KRT23: variants seen among roughly 807,000 people sequenced by gnomAD.
The protein encoded by KRT23 is keratin 23, also known as keratin, type I cytoskeletal 23.
A neutral mutation model predicts 47.6 loss-of-function variants in KRT23; 38 were observed. The observed-to-expected ratio is 0.80, with a 90% confidence interval of 0.62 to 1.05. The LOEUF is 1.05. Among genes scored for constraint, KRT23 ranks in the 50% least tolerant of loss-of-function variants. The probability of loss-of-function intolerance (pLI) is 0.00; values close to 1 mark genes in which losing one functional copy is unlikely to be tolerated. For missense variants in KRT23, 503 were observed against 529.5 expected, an observed-to-expected ratio of 0.95 and a Z score of 0.49; for synonymous variants, 191 against 199.0, an observed-to-expected ratio of 0.96 and a Z score of 0.34.
chr17:40,936,213 C>T lies in KRT23; in HGVS notation c.391G>A (p.Glu131Lys), dbSNP rs897151182. ...AGGGTCACCCAGCATCTTACCTGCT[C>T]CTGCAGGTGTGTGATGTTTTCCTCA... is the stretch of plus-strand genomic sequence containing the variant. ...QYEENITHLQ[E>K]QIVDGKMTNA... The change falls in exon 2 of 9, where the codon GAG becomes AAG. Residue 131 changes from glutamate to lysine, a missense_variant. Glu to Lys is a moderately conservative substitution (Grantham distance 56). Coordinates refer to ENST00000209718, the MANE Select transcript of KRT23 (RefSeq NM_015515.5). The T allele has an allele frequency of 1.4e-5, 22 of 1,613,994 alleles. No individual in the cohort carries two copies. The highest frequency in any genetic ancestry group is 5.0e-5 in the Admixed American group (3 of 60,008).
chr17:40,936,415 T>C lies in KRT23; in HGVS notation c.189A>G (p.Arg63=). 1 of 1,613,930 alleles carries C rather than the reference T, an allele frequency of 6.2e-7. No homozygotes were observed. The highest frequency in any genetic ancestry group is 1.1e-5 in the South Asian group (1 of 91,078). The change falls in exon 2 of 9, where the codon AGA becomes AGG. Residue 63 remains arginine (R), a synonymous_variant. Transcript: ENST00000209718. ...CATTTCCGCCTAGTAGGGGGCTGCT[T>C]CTTCCAGAACCCCAAGACCCTCCAG... ...PPPGGSWGSG[R]SSPLLGGNGK...
At position 40,928,570 on chromosome 17, in the gene KRT23, A is replaced by C. The variant is rs1174286673; in HGVS notation, c.674T>G (p.Val225Gly). ...GGGACCTGTATCCACCTTCACATTG[A>C]CATTGAAGTCACTTGGCACATGATG... is the stretch of plus-strand genomic sequence containing the variant. ...EKHHVPSDFN[V>G]NVKVDTGPRE... is the part of the protein sequence containing the mutation. The change falls in exon 5 of 9, where the codon GTC becomes GGC. Residue 225 changes from valine (V) to glycine (G), a missense_variant. Physicochemically the swap from Val to Gly is moderately radical, Grantham distance 109. Coordinates refer to ENST00000209718, the MANE Select transcript of KRT23 (RefSeq NM_015515.5). 6.2e-7 allele frequency: 1 copy of C among 1,613,822 alleles called. No individual in the cohort carries two copies. Among genetic ancestry groups the C allele is most frequent in the Admixed American group, 1.7e-5 (1 of 60,014 alleles).
chr17:40,936,883 C>A lies in KRT23; in HGVS notation c.-280G>T. 2.7e-6 allele frequency: 1 copy of A among 374,452 alleles called. No homozygotes were observed. Among genetic ancestry groups the A allele is most frequent in the Non-Finnish European group, 4.7e-6 (1 of 211,132 alleles). 23.2% of individuals were successfully genotyped at this position (374,452 alleles called of 1,614,324 possible). A position where few individuals can be genotyped will look rare whatever the true frequency, so the allele number is the denominator to read the frequency against. On this transcript the variant is annotated 5_prime_UTR_variant, in exon 2 of 9. Coordinates refer to ENST00000209718, the MANE Select transcript of KRT23 (RefSeq NM_015515.5). ...CCTGGTAACCCGGAGGTGTGGCCCA[C>A]GACATCAGGCGGGTATTGGGCTCAG...
chr17:40,935,254 C>T (rs564868338), intron 2 of KRT23, among the ~76,000 whole-genome samples: 151 of 152,072 alleles, frequency 9.9e-4, no homozygotes, highest in African/African-American at 3.6e-3. Flanking sequence ...TACATTCAAG[C>T]AAGGATGACT....
At chr17:40,933,246 C>G (rs1909819858) in intron 2 of KRT23, among the ~76,000 whole-genome samples, 1 of 152,162 alleles carries the variant, frequency 6.6e-6, no homozygotes, top group Non-Finnish European at 1.5e-5. Flanking sequence ...CTGCCTCATT[C>G]TTTTTCCTCT....
rs1909669252 is a variant in KRT23, at chr17:40,931,387, A to C, written c.465T>G (p.Asp155Glu). 1.2e-6 allele frequency: 2 copies of C among 1,611,082 alleles called. No homozygotes were observed. The highest frequency in any genetic ancestry group is 3.3e-5 in the Admixed American group (2 of 60,000). ...AAGGAACTTACTTGAGGTTGAAGTC[A>C]TCCACTGCCATCCTGGCATTGTCAA... ...LLIDNARMAV[D>E]DFNLKYENEH... Residue 155 changes from aspartate to glutamate, a missense_variant, in exon 3 of 9, where the codon GAT becomes GAG. Physicochemically the swap from Asp to Glu is conservative, Grantham distance 45 (BLOSUM62 2). Coordinates refer to ENST00000209718, the MANE Select transcript of KRT23 (RefSeq NM_015515.5).
intron 1 of KRT23, 72 bp from the exon 2 acceptor site, chr17:40,937,025 A>C (rs961183297): frequency 5.4e-5 from 9 of 166,830 alleles, no homozygotes; most frequent in Non-Finnish European, 7.6e-5. Flanking sequence ...CTTAAAAAAA[A>C]CCAAAAACCA....
chr17:40,928,410 T>A (rs1909378433), intron 5 of KRT23, 36 bp downstream of exon 5: 1 of 1,613,994 alleles, frequency 6.2e-7, no homozygotes, highest in Non-Finnish European at 8.5e-7. Flanking sequence ...CTCATGGAAA[T>A]GCAACCTTTG....
intron 2 of KRT23, among the ~76,000 whole-genome samples, chr17:40,933,948 G>A (rs779885274): frequency 4.7e-4 from 71 of 152,250 alleles, no homozygotes; most frequent in Middle Eastern, 3.4e-3. Context: ...CTAGGGAGAG[G>A]AAAACAGAAT....
At position 40,936,224 on chromosome 17, in the gene KRT23, G is replaced by C. The variant is rs1910054903; in HGVS notation, c.380C>G (p.Thr127Arg). The part of the protein sequence containing the change: ...KDYSQYEENI[T>R]HLQEQIVDGK... ...GCATCTTACCTGCTCCTGCAGGTGT[G>C]TGATGTTTTCCTCATACTGGGAATA... The change falls in exon 2 of 9, where the codon ACA (threonine) becomes AGA (arginine). Residue 127 changes from threonine (T) to arginine (R), a missense_variant. By Grantham distance (71) the Thr-to-Arg change is moderately conservative (BLOSUM62 -1). Transcript: ENST00000209718. The C allele has an allele frequency of 2.5e-6, 4 of 1,614,078 alleles. No homozygotes were observed. In the African/African-American group the frequency reaches 5.3e-5, roughly 22 times the overall value.
chr17:40,934,585 T>C (rs1909920646), intron 2 of KRT23, among the ~76,000 whole-genome samples: 1 of 152,244 alleles, frequency 6.6e-6, no homozygotes, highest in South Asian at 2.1e-4. Flanking sequence ...GATGTGTGGT[T>C]AATGATGCAA....
rs1909370425 is a variant in KRT23, at chr17:40,928,347, G to A, written c.812C>T (p.Ser271Phe). The A allele has an allele frequency of 1.2e-6, 2 of 1,614,124 alleles. No individual in the cohort carries two copies. The highest frequency in any genetic ancestry group is 2.2e-5 in the East Asian group (1 of 44,906). The part of the protein sequence containing the change: ...TWYKEQSAAM[S>F]QEAASPATVQ... ...AGTGGCTGGACTGGCTGCCTCCTGG[G>A]ACATGGCTGCAGACTGTGGGACCAA... is the stretch of plus-strand genomic sequence containing the variant. The change falls in exon 6 of 9, where the codon TCC (serine) becomes TTC (phenylalanine). Residue 271 changes from serine (S) to phenylalanine (F), a missense_variant. By Grantham distance (155) the Ser-to-Phe change is radical. Transcript: ENST00000209718.
At chr17:40,929,860 T>A in intron 4 of KRT23, 80 bp downstream of exon 4, 2 of 1,298,668 alleles carry the variant, frequency 1.5e-6, no homozygotes, top group South Asian at 3.2e-5. Flanking sequence ...GGTGGTGGTT[T>A]CTTCTGTAGC....
chr17:40,931,264 C>A lies in KRT23; in HGVS notation c.479+109G>T, dbSNP rs919069622. The A allele has an allele frequency of 1.9e-5, 14 of 748,658 alleles. No individual in the cohort carries two copies. In the African/African-American group the frequency reaches 2.4e-4, roughly 13 times the overall value. 46.4% of individuals were successfully genotyped at this position (748,658 alleles called of 1,614,324 possible). The stretch of plus-strand genomic sequence containing the variant: ...TGACCTCGTGATCCGCCCGCCTTGG[C>A]CTCCCAAAGTGCTGGGATTACAGGT... On this transcript the variant is annotated intron_variant, in intron 3 of 8. Transcript: ENST00000209718.
intron 2 of KRT23, among the ~76,000 whole-genome samples, chr17:40,935,268 C>A (rs1468682830): frequency 6.6e-6 from 1 of 152,032 alleles, no homozygotes; most frequent in Non-Finnish European, 1.5e-5. Context: ...GATGACTGAG[C>A]ATTGTGAAAT....
intron 2 of KRT23, 93 bp downstream of exon 2, chr17:40,936,115 T>C: frequency 7.2e-7 from 1 of 1,383,378 alleles, no homozygotes; most frequent in South Asian, 1.3e-5. Flanking sequence ...GATGCCATTT[T>C]CCTGGAAATT....
chr17:40,936,540 A>G lies in KRT23; in HGVS notation c.64T>C (p.Trp22Arg), dbSNP rs914024441. 3.3e-6 allele frequency: 5 copies of G among 1,521,778 alleles called. No individual in the cohort carries two copies. Among genetic ancestry groups the G allele is most frequent in the Admixed American group, 2.3e-5 (1 of 44,316 alleles). The allele number at this position is 1,521,778 out of a possible 1,614,324, so 94.3% of individuals were successfully genotyped here. A position where few individuals can be genotyped will look rare whatever the true frequency, so the allele number is the denominator to read the frequency against. Residue 22 changes from tryptophan to arginine, a missense_variant, in exon 2 of 9, where the codon TGG becomes CGG. Transcript: ENST00000209718. ...SASFHGAGGG[W>R]GRPRSFPRAP... ...CTGGGGAAGCTCCTGGGCCGGCCCC[A>G]GCCACCTCCGGCGCCATGGAAGGAG...
chr17:40,922,702 T>C lies in KRT23; in HGVS notation c.*287A>G. 1 of 274,580 alleles carries C rather than the reference T, an allele frequency of 3.6e-6. No individual in the cohort carries two copies. The highest frequency in any genetic ancestry group is 8.6e-5 in the East Asian group (1 of 11,608). 17.0% of individuals were successfully genotyped at this position (274,580 alleles called of 1,614,324 possible). A position where few individuals can be genotyped will look rare whatever the true frequency, so the allele number is the denominator to read the frequency against. On this transcript the variant is annotated 3_prime_UTR_variant, in exon 9 of 9. Transcript: ENST00000209718. ...ATATTAAAAAAAGACACGATGCAGCTAGTGCGGAGTTTTATTGGCTACAAA... is the reference window on the plus strand; with the variant it reads ...ATATTAAAAAAAGACACGATGCAGCCAGTGCGGAGTTTTATTGGCTACAAA...
rs369911673 is a variant in KRT23, at chr17:40,934,710, C to A, written c.396+1498G>T. The stretch of plus-strand genomic sequence containing the variant: ...ACTGGAAACAGACCTGAGTTAGAAT[C>A]CCACCTCTGCTTCTTGCTGATGGCT... On this transcript the variant is annotated intron_variant, in intron 2 of 8. Transcript: ENST00000209718. Among the ~76,000 whole-genome samples the A allele has an allele frequency of 2.3e-4, 35 of 152,340 alleles. No homozygotes were observed. The East Asian group carries it at 4.0e-3, about 18-fold the overall frequency.
Sources: allele counts gnomAD v4.1 joint callset (sites outside exome capture counted in the v4.1 genomes callset), GRCh38; gene constraint gnomAD v4.1.1; transcripts MANE v1.5; gene names NCBI Gene and HGNC (gene_info 2026-07-23, HGNC 2026-07-21).